The following HIBCH variants were observed in gnomAD, a reference collection of about 807,000 sequenced individuals.
HIBCH encodes the protein 3-hydroxyisobutyryl-CoA hydrolase, mitochondrial.
In HIBCH, 50 loss-of-function variants were observed where a neutral mutation model predicts 58.2. That is an observed-to-expected ratio of 0.86 (90% CI 0.68 to 1.09). The LOEUF (loss-of-function observed/expected upper bound fraction) is 1.09. Ranked by LOEUF, HIBCH falls within the 50% of genes least tolerant of loss-of-function variation. HIBCH has a pLI of 0.00. For missense variants in HIBCH, 450 were observed against 449.7 expected (o/e 1.00, Z -0.01); for synonymous variants, 151 against 146.9 (o/e 1.03, Z -0.20).
At chr2:190,233,946 T>A (rs1432700839) in intron 11 of HIBCH, among the ~76,000 whole-genome samples, 1 of 152,116 alleles carries the variant, frequency 6.6e-6, no homozygotes, top group Non-Finnish European at 1.5e-5. Flanking sequence ...TCACATGAGG[T>A]CAGGAATTAG....
intron 1 of HIBCH, among the ~76,000 whole-genome samples, chr2:190,313,563 G>A (rs966839068): frequency 6.7e-6 from 1 of 149,212 alleles, no homozygotes; most frequent in Non-Finnish European, 1.5e-5. Flanking sequence ...TAACAATTTT[G>A]GTATTTCTAA....
At chr2:190,297,356 T>C (rs2582744) in intron 2 of HIBCH, among the ~76,000 whole-genome samples, 108,240 of 152,088 alleles carry the variant, frequency 0.71, 39,171 homozygotes, top group Non-Finnish European at 0.75. Flanking sequence ...AAAACAAAGA[T>C]GATACTTGAG....
chr2:190,244,813 T>C (rs946030435), intron 11 of HIBCH, 74 bp downstream of exon 11: 12 of 930,154 alleles, frequency 1.3e-5, no homozygotes, highest in Non-Finnish European at 2.2e-5. Flanking sequence ...GGAGCACTAA[T>C]ACCCCCTTAG....
intron 6 of HIBCH, chr2:190,280,786 G>C (rs989952161): frequency 1.3e-5 from 2 of 152,188 alleles, no homozygotes; most frequent in African/African-American, 4.8e-5. Flanking sequence ...AACCACGCCA[G>C]TGTATAAAAC....
intron 7 of HIBCH, among the ~76,000 whole-genome samples, chr2:190,259,318 G>GAT (rs1553501617): frequency 5.9e-4 from 42 of 71,280 alleles, no homozygotes; most frequent in African/African-American, 1.7e-3. Context: ...TCAGTATACA[G>GAT]ATGTGTGTGT....
intron 1 of HIBCH, among the ~76,000 whole-genome samples, chr2:190,191,548 A>G (rs1407553757): frequency 6.6e-6 from 1 of 152,166 alleles, no homozygotes. Flanking sequence ...ACTTTGTGAG[A>G]AACTGCCAAA....
chr2:190,195,309 T>C (rs753456553), intron 1 of HIBCH, among the ~76,000 whole-genome samples: 1 of 152,226 alleles, frequency 6.6e-6, no homozygotes, highest in Non-Finnish European at 1.5e-5. Flanking sequence ...TTTGCATGGA[T>C]TTAAGCGTTC....
intron 7 of HIBCH, among the ~76,000 whole-genome samples, chr2:190,256,386 A>T (rs1041101175): frequency 6.1e-5 from 9 of 148,716 alleles, no homozygotes; most frequent in Non-Finnish European, 1.2e-4. Flanking sequence ...ACAAAGCAAG[A>T]TCTTGCCCCA....
At chr2:190,275,954 A>C (rs1020373666) in intron 6 of HIBCH, among the ~76,000 whole-genome samples, 12 of 152,238 alleles carry the variant, frequency 7.9e-5, no homozygotes, top group Non-Finnish European at 1.2e-4. Flanking sequence ...GCAGACAAGA[A>C]CAGAGCTTTC....
chr2:190,190,875 G>A (rs1689680089), intron 1 of HIBCH, among the ~76,000 whole-genome samples: 1 of 152,114 alleles, frequency 6.6e-6, no homozygotes, highest in African/African-American at 2.4e-5. Context: ...CCACAATCGG[G>A]ATAAAGAATA....
At chr2:190,200,106 C>T (rs1292272736), downstream of HIBCH, 2 of 1,613,930 alleles carry the variant, frequency 1.2e-6, no homozygotes, top group African/African-American at 1.3e-5. Context: ...GCAATAACAT[C>T]AAGTACCATG....
At chr2:190,249,486 T>C (rs1465948955) in intron 9 of HIBCH, among the ~76,000 whole-genome samples, 154 bp downstream of exon 9, 2 of 152,192 alleles carry the variant, frequency 1.3e-5, no homozygotes, top group Non-Finnish European at 2.9e-5. Flanking sequence ...CTAACAACTG[T>C]GAAGCACTGA....
chr2:190,282,860 A>G (rs867488785), intron 6 of HIBCH, among the ~76,000 whole-genome samples: 54 of 148,748 alleles, frequency 3.6e-4, no homozygotes, highest in African/African-American at 1.2e-3. Context: ...AAAAAAAAAA[A>G]GGTAGGATAA....
chr2:190,199,208 G>A (rs1249207454), downstream of HIBCH, among the ~76,000 whole-genome samples: 1 of 152,132 alleles, frequency 6.6e-6, no homozygotes, highest in Non-Finnish European at 1.5e-5. Context: ...TCAGGACTCA[G>A]CAAACATTTT....
intron 7 of HIBCH, among the ~76,000 whole-genome samples, chr2:190,253,454 G>C (rs1315722363): frequency 1.3e-5 from 2 of 152,060 alleles, no homozygotes; most frequent in Non-Finnish European, 2.9e-5. Context: ...TCTCAAACTA[G>C]CTAGGTCTCA....
chr2:190,212,798 C>G (rs1050953238), intron 12 of HIBCH, among the ~76,000 whole-genome samples, 158 bp downstream of exon 12: 1 of 152,190 alleles, frequency 6.6e-6, no homozygotes, highest in Non-Finnish European at 1.5e-5. Flanking sequence ...AGCAATACTT[C>G]CACACATCTA....
chr2:190,212,812 C>A (rs1249724660), intron 12 of HIBCH, 144 bp downstream of exon 12: 2 of 693,072 alleles, frequency 2.9e-6, no homozygotes, highest in Non-Finnish European at 4.8e-6. Flanking sequence ...ACATCTAAAA[C>A]TAACTGGCCT....
intron 10 of HIBCH, 48 bp from the exon 11 acceptor site, chr2:190,245,016 G>A (rs1686565080): frequency 8.8e-7 from 1 of 1,142,642 alleles, no homozygotes; most frequent in Non-Finnish European, 1.3e-6. Flanking sequence ...GTGATTTCCT[G>A]TTTCTAACAT....
chr2:190,248,164 T>C (rs886408020), intron 9 of HIBCH, among the ~76,000 whole-genome samples: 1 of 152,182 alleles, frequency 6.6e-6, no homozygotes, highest in Non-Finnish European at 1.5e-5. Context: ...TCCAGTGCCT[T>C]TGTTGTTTGT....
Sources: allele counts gnomAD v4.1 joint callset (sites outside exome capture counted in the v4.1 genomes callset), GRCh38; gene constraint gnomAD v4.1.1; transcripts MANE v1.5; gene names NCBI Gene and HGNC (gene_info 2026-07-23, HGNC 2026-07-21).